Variants in BRSK1 observed in about 807,000 individuals in gnomAD.
The protein encoded by BRSK1 is BR serine/threonine kinase 1, also known as serine/threonine-protein kinase BRSK1.
BRSK1 carries 17 observed loss-of-function variants against 86.2 expected under a neutral mutation model. The observed-to-expected ratio is 0.20, with a 90% CI of 0.14 to 0.30. The LOEUF (loss-of-function observed/expected upper bound fraction) is 0.30. Among genes scored for constraint, BRSK1 ranks in the 10% least tolerant of loss-of-function variants. The pLI, the probability that BRSK1 is intolerant of heterozygous loss-of-function variation, is 1.00. For missense variants in BRSK1, 719 were observed against 1,071.9 expected, an observed-to-expected ratio of 0.67 and a Z score of 4.60; for synonymous variants, 464 against 440.1, an observed-to-expected ratio of 1.05 and a Z score of -0.68.
chr19:55,305,464 C>G lies in BRSK1; in HGVS notation c.1768C>G (p.Leu590Val). The G allele has an allele frequency of 6.2e-7, 1 of 1,614,180 alleles. No individual in the cohort carries two copies. The highest frequency in any genetic ancestry group is 8.5e-7 in the Non-Finnish European group (1 of 1,180,006). The change falls in exon 16 of 19, where the codon CTG becomes GTG. Residue 590 changes from leucine (L) to valine (V), a missense_variant and splice_region_variant. Transcript: ENST00000309383. ...CTCCAACCACCCCCTCCCACTCAGG[C>G]TGGCAAAACGCTCCTGGTTCGGGAA... ...SSLTPESSPE[L>V]AKRSWFGNFI...
chr19:55,297,120 A>G (rs892310507), intron 7 of BRSK1, among the ~76,000 whole-genome samples: 1 of 152,060 alleles, frequency 6.6e-6, no homozygotes. Flanking sequence ...TCTGTCACAC[A>G]TGATGGAGTG....
In BRSK1 at chr19:55,294,531, T is replaced by C; in HGVS notation, c.678+134T>C. 1 of 1,173,600 alleles carries C rather than the reference T, an allele frequency of 8.5e-7. No individual in the cohort carries two copies. The highest frequency in any genetic ancestry group is 1.2e-6 in the Non-Finnish European group (1 of 843,248). The allele number at this position is 1,173,600 out of a possible 1,614,324, so 72.7% of individuals were successfully genotyped here. ...TATTTATTTATTTTGAGACAGAGTCTTGCCCCGTCGCCTAGGCTGGAGTGC... is the reference window on the plus strand; with the variant it reads ...TATTTATTTATTTTGAGACAGAGTCCTGCCCCGTCGCCTAGGCTGGAGTGC... On this transcript the variant is annotated intron_variant, in intron 7 of 18. Transcript: ENST00000309383. The surrounding 1 kb of genome is among the most constrained non-coding windows in gnomAD (Gnocchi z 4.9).
Position 55,302,593 on chromosome 19 carries a change from C to T in BRSK1, c.858-104C>T, listed in dbSNP as rs919610546. On this transcript the variant is annotated intron_variant, in intron 9 of 18. Coordinates refer to ENST00000309383, the MANE Select transcript of BRSK1 (RefSeq NM_032430.2). The surrounding 1 kb of genome is among the most constrained non-coding windows in gnomAD (Gnocchi z 6.3). Reference sequence around the variant, plus strand: ...TTCCTGGGTATGAGAGAGAAGGGGCCGGGGCCTAGACTCGGATTTCGGGGT... The same window carrying T: ...TTCCTGGGTATGAGAGAGAAGGGGCTGGGGCCTAGACTCGGATTTCGGGGT... 28 of 1,429,184 alleles carry T rather than the reference C, an allele frequency of 2.0e-5. No homozygotes were observed. The highest frequency in any genetic ancestry group is 4.2e-5 in the Admixed American group (2 of 47,902). 88.5% of individuals were successfully genotyped at this position (1,429,184 alleles called of 1,614,324 possible).
chr19:55,291,647 C>T (rs1724488560), intron 4 of BRSK1, among the ~76,000 whole-genome samples: 1 of 152,262 alleles, frequency 6.6e-6, no homozygotes, highest in Admixed American at 6.5e-5. Flanking sequence ...TTCATTTGCG[C>T]ATCTCTCTCA....
At chr19:55,298,209 C>CTT (rs71181751) in intron 7 of BRSK1, among the ~76,000 whole-genome samples, 10 of 69,638 alleles carry the variant, frequency 1.4e-4, no homozygotes, top group African/African-American at 1.7e-4. Flanking sequence ...TTTGTTTCTT[C>CTT]TTTTTTTTTT....
rs987508360 is a variant in BRSK1, at chr19:55,312,062, G to A, written c.2331G>A (p.Leu777=). The A allele has an allele frequency of 2.5e-5, 36 of 1,433,556 alleles. No homozygotes were observed. The highest frequency in any genetic ancestry group is 2.7e-5 in the Non-Finnish European group (29 of 1,091,946). The allele number at this position is 1,433,556 out of a possible 1,614,324, so 88.8% of individuals were successfully genotyped here. A position where few individuals can be genotyped will look rare whatever the true frequency, so the allele number is the denominator to read the frequency against. The part of the protein sequence containing the change: ...KKLLATNGTP[L]P ...TCCTGGCCACCAACGGGACCCCTCT[G>A]CCCTGACCCCACGGGGCCGGGGAGG... The change falls in exon 19 of 19, where the codon CTG becomes CTA. Residue 777 remains leucine, a synonymous_variant. Transcript: ENST00000309383.
At chr19:55,293,742 A>G (rs1417739279) in intron 4 of BRSK1, among the ~76,000 whole-genome samples, 12 of 130,702 alleles carry the variant, frequency 9.2e-5, no homozygotes, top group African/African-American at 2.9e-4. Context: ...CCCAGGAGAC[A>G]GAGGTTGCAG....
Position 55,302,119 on chromosome 19 carries a change from G to A in BRSK1, c.826-18G>A. 3.1e-6 allele frequency: 5 copies of A among 1,614,110 alleles called. No homozygotes were observed. Among genetic ancestry groups the A allele is most frequent in the Non-Finnish European group, 4.2e-6 (5 of 1,179,988 alleles). ...TACGACCTCACTTCTGCTTCTCTAC[G>A]ACTCACCACCCTCACAGCTGGAGCA... is the stretch of plus-strand genomic sequence containing the variant. On this transcript the variant is annotated intron_variant, in intron 8 of 18. Transcript: ENST00000309383. This position sits in a 1 kb window ranked among gnomAD's most constrained non-coding sequence, Gnocchi z 6.3.
rs2088653827 is a variant in BRSK1, at chr19:55,306,564, G to C, written c.2089+114G>C. On this transcript the variant is annotated intron_variant, in intron 17 of 18. Coordinates refer to ENST00000309383, the MANE Select transcript of BRSK1 (RefSeq NM_032430.2). The surrounding 1 kb of genome is among the most constrained non-coding windows in gnomAD (Gnocchi z 4.7). Reference sequence around the variant, plus strand: ...AGGAGGAGGAAATGGTGTTCAGCTGGTGCCGACTCTCTGTGCTCCTCCTGC... The same window carrying C: ...AGGAGGAGGAAATGGTGTTCAGCTGCTGCCGACTCTCTGTGCTCCTCCTGC... 7.9e-7 allele frequency: 1 copy of C among 1,260,026 alleles called. No individual in the cohort carries two copies. The highest frequency in any genetic ancestry group is 2.0e-5 in the Admixed American group (1 of 51,242). The allele number at this position is 1,260,026 out of a possible 1,614,324, so 78.1% of individuals were successfully genotyped here.
chr19:55,311,803 C>T (rs1229742672), intron 18 of BRSK1, 108 bp from the exon 19 acceptor site: 6 of 1,182,548 alleles, frequency 5.1e-6, no homozygotes, highest in South Asian at 1.5e-5. Flanking sequence ...GCTAGAGCCT[C>T]GGGGTTACTG....
At chr19:55,285,190 T>C (rs2088292136) in intron 1 of BRSK1, among the ~76,000 whole-genome samples, 1 of 126,508 alleles carries the variant, frequency 7.9e-6, no homozygotes, top group African/African-American at 3.1e-5. Context: ...GGGTCTGGGG[T>C]CTGGACTCCT....
intron 8 of BRSK1, 94 bp downstream of exon 8, chr19:55,301,752 C>A: frequency 7.1e-7 from 1 of 1,412,020 alleles, no homozygotes; most frequent in Non-Finnish European, 9.5e-7. Flanking sequence ...CCAGAACCTG[C>A]TCGTCAGTCC....
chr19:55,306,225 C>A lies in BRSK1; in HGVS notation c.1891-27C>A. ...CTGGGTATCCATTTCCTGGGCTCAC[C>A]CCTTCCTGTGTTCCTACCTCGCTCA... On this transcript the variant is annotated intron_variant, in intron 16 of 18. Coordinates refer to ENST00000309383, the MANE Select transcript of BRSK1 (RefSeq NM_032430.2). This position sits in a 1 kb window ranked among gnomAD's most constrained non-coding sequence, Gnocchi z 4.7. 6.2e-7 allele frequency: 1 copy of A among 1,611,744 alleles called. No individual in the cohort carries two copies. The highest frequency in any genetic ancestry group is 8.5e-7 in the Non-Finnish European group (1 of 1,178,640).
At position 55,284,091 on chromosome 19, in the gene BRSK1, C is replaced by A. The variant is rs892920245; in HGVS notation, c.-352C>A. On this transcript the variant is annotated 5_prime_UTR_variant, in exon 1 of 19. Transcript: ENST00000309383. ...GGAGGAGAGAGGGCGCGTGGGGGGG[C>A]GGGGGGGACCTCGGCCTGCAGCATC... The A allele has an allele frequency of 5.4e-6, 3 of 554,936 alleles. No individual in the cohort carries two copies. The highest frequency in any genetic ancestry group is 7.2e-6 in the Non-Finnish European group (3 of 418,512). 34.4% of individuals were successfully genotyped at this position (554,936 alleles called of 1,614,324 possible).
At chr19:55,291,328 C>T (rs1268912328) in intron 4 of BRSK1, among the ~76,000 whole-genome samples, 1 of 151,902 alleles carries the variant, frequency 6.6e-6, no homozygotes, top group Non-Finnish European at 1.5e-5. Context: ...CACCTGAGCT[C>T]AGGAGTTCGA....
intron 7 of BRSK1, among the ~76,000 whole-genome samples, chr19:55,298,191 CTTTTTTTTTTGTTTCTTCTTTT>C (rs2088516766): frequency 1.4e-5 from 1 of 70,362 alleles, no homozygotes; most frequent in Non-Finnish European, 3.1e-5. Flanking sequence ...GTAGTTTATT[CTTTTTTTTTTGTTTCTTCTTTT>C]TTTTTTTTTT....
rs757121055 is a variant in BRSK1 at position 55,306,245 on chromosome 19, C to G, written c.1891-7C>G. The G allele has an allele frequency of 3.1e-6, 5 of 1,613,702 alleles. No homozygotes were observed. The African/African-American group carries it at 4.0e-5, about 13-fold the overall frequency. ...CTCACCCCTTCCTGTGTTCCTACCTCGCTCAGATCCCCAGCCTGAGTCACA... is the reference window on the plus strand; with the variant it reads ...CTCACCCCTTCCTGTGTTCCTACCTGGCTCAGATCCCCAGCCTGAGTCACA... On this transcript the variant is annotated splice_polypyrimidine_tract_variant and splice_region_variant and intron_variant, in intron 16 of 18. Coordinates refer to ENST00000309383, the MANE Select transcript of BRSK1 (RefSeq NM_032430.2). The surrounding 1 kb of genome is among the most constrained non-coding windows in gnomAD (Gnocchi z 4.7).
In BRSK1 at chr19:55,310,370, G is replaced by A. The variant is rs1401283761; in HGVS notation, c.2180-1541G>A. 6.6e-6 allele frequency among the ~76,000 whole-genome samples: 1 copy of A among 152,118 alleles called. No homozygotes were observed. Among genetic ancestry groups the A allele is most frequent in the Non-Finnish European group, 1.5e-5 (1 of 68,028 alleles). ...CCATATATCCCTCTGACTGACCTTA[G>A]CTGGGAAAAGGTGACTCAGTGGGAC... On this transcript the variant is annotated intron_variant, in intron 18 of 18. Coordinates refer to ENST00000309383, the MANE Select transcript of BRSK1 (RefSeq NM_032430.2). The surrounding 1 kb of genome is among the most constrained non-coding windows in gnomAD (Gnocchi z 5.0).
In BRSK1 at chr19:55,311,954, C is replaced by G. The variant is rs754147201; in HGVS notation, c.2223C>G (p.Pro741=). 1.2e-6 allele frequency: 2 copies of G among 1,609,514 alleles called. No homozygotes were observed. The highest frequency in any genetic ancestry group is 1.7e-6 in the Non-Finnish European group (2 of 1,178,258). Reference sequence around the variant, plus strand: ...AGACCCGGCCTGCTGGTGCCCCACCCCGAAGCCTGCAGCCCCCACCCGGCC... The same window carrying G: ...AGACCCGGCCTGCTGGTGCCCCACCGCGAAGCCTGCAGCCCCCACCCGGCC... ...GAQTRPAGAP[P]RSLQPPPGRP... Residue 741 remains proline (P), a synonymous_variant, in exon 19 of 19, where the codon CCC becomes CCG. Transcript: ENST00000309383.
Sources: allele counts gnomAD v4.1 joint callset (sites outside exome capture counted in the v4.1 genomes callset), GRCh38; gene constraint gnomAD v4.1.1; non-coding constraint Gnocchi (gnomAD v3.1); transcripts MANE v1.5; gene names NCBI Gene and HGNC (gene_info 2026-07-23, HGNC 2026-07-21).